LRBA: variants seen among roughly 807,000 people sequenced by gnomAD.
LRBA encodes the protein lipopolysaccharide-responsive and beige-like anchor protein.
In LRBA, 176 loss-of-function variants were observed where a neutral mutation model predicts 330.0. The observed-to-expected ratio is 0.53, with a 90% confidence interval of 0.47 to 0.60. The LOEUF (loss-of-function observed/expected upper bound fraction) is 0.60, where lower values mean the gene tolerates loss of function less well. Ranked by LOEUF, LRBA falls within the 20% of genes least tolerant of loss-of-function variation. The probability of loss-of-function intolerance (pLI) is 0.00; values close to 1 mark genes in which losing one functional copy is unlikely to be tolerated. For synonymous variants in LRBA, 1,230 were observed against 1,193.0 expected (o/e 1.03, Z -0.64); for missense variants, 3,259 against 3,444.8 (o/e 0.95, Z 1.35).
intron 53 of LRBA, among the ~76,000 whole-genome samples, chr4:150,295,943 G>A (rs1728926082): frequency 6.6e-6 from 1 of 152,110 alleles, no homozygotes; most frequent in Non-Finnish European, 1.5e-5. Flanking sequence ...GTAAGCTATG[G>A]CTCCTGTAGC....
At chr4:150,922,594 C>T (rs1733423592) in intron 4 of LRBA, among the ~76,000 whole-genome samples, 1 of 151,800 alleles carries the variant, frequency 6.6e-6, no homozygotes, top group Non-Finnish European at 1.5e-5. Flanking sequence ...AAGAAAGATA[C>T]AATGGACTTT....
At chr4:150,582,974 T>C in intron 40 of LRBA, 1 of 1,525,596 alleles carries the variant, frequency 6.6e-7, no homozygotes, top group Non-Finnish European at 8.8e-7. Context: ...GCGTGAGCCT[T>C]GGATCCCTCA....
chr4:150,302,104 T>A (rs1221878101), intron 53 of LRBA, among the ~76,000 whole-genome samples: 1 of 152,178 alleles, frequency 6.6e-6, no homozygotes, highest in Non-Finnish European at 1.5e-5. Flanking sequence ...TTCATAAAGA[T>A]GTTTAAGGCT....
chr4:151,011,234 T>TG (rs961496612), intron 2 of LRBA, among the ~76,000 whole-genome samples: 24 of 151,542 alleles, frequency 1.6e-4, no homozygotes, highest in African/African-American at 5.8e-4. Flanking sequence ...GGCTCTACCA[T>TG]GTACTATTTG....
intron 36 of LRBA, among the ~76,000 whole-genome samples, chr4:150,704,580 A>G (rs1417889912): frequency 6.6e-6 from 1 of 152,118 alleles, no homozygotes; most frequent in Non-Finnish European, 1.5e-5. Context: ...TAATAGTGCC[A>G]ATAACAATAG....
At chr4:150,497,487 A>G (rs1181438514) in intron 40 of LRBA, among the ~76,000 whole-genome samples, 1 of 152,182 alleles carries the variant, frequency 6.6e-6, no homozygotes, top group Non-Finnish European at 1.5e-5. Context: ...TCATACATAA[A>G]AAATAAAATT....
chr4:150,861,272 T>TGTGG (rs1323820821), intron 22 of LRBA, among the ~76,000 whole-genome samples: 80 of 108,304 alleles, frequency 7.4e-4, no homozygotes, highest in African/African-American at 3.5e-3. Flanking sequence ...CAGCTAATGG[T>TGTGG]GTGTGTGTGT....
At chr4:150,764,521 A>G (rs1560785247) in intron 34 of LRBA, among the ~76,000 whole-genome samples, 1 of 152,182 alleles carries the variant, frequency 6.6e-6, no homozygotes, top group East Asian at 1.9e-4. Flanking sequence ...ACACTGGGAT[A>G]AAATCATTTG....
chr4:150,265,857 C>G, intron 56 of LRBA, 45 bp from the exon 57 acceptor site: 1 of 1,221,734 alleles, frequency 8.2e-7, no homozygotes, highest in Non-Finnish European at 1.2e-6. Flanking sequence ...CCTGTGTGTC[C>G]TAGAGATGTT....
At chr4:150,639,872 T>TG (rs1778498904) in intron 37 of LRBA, among the ~76,000 whole-genome samples, 1 of 97,636 alleles carries the variant, frequency 1.0e-5, no homozygotes, top group African/African-American at 3.9e-5. Flanking sequence ...TATATATATA[T>TG]TTAGATGGAG....
At chr4:150,900,317 AAAGT>A (rs768052674) in intron 13 of LRBA, 100 bp from the exon 14 acceptor site, 20 of 766,260 alleles carry the variant, frequency 2.6e-5, no homozygotes, top group Non-Finnish European at 4.2e-5. Context: ...CTTCTTCCAA[AAAGT>A]AAGATGCTGA....
intron 2 of LRBA, among the ~76,000 whole-genome samples, chr4:150,991,517 A>C (rs1232080521): frequency 6.6e-6 from 1 of 152,252 alleles, no homozygotes. Flanking sequence ...AACGACATAG[A>C]GGAATCTCAA....
chr4:150,987,594 T>A (rs367551391), intron 2 of LRBA, among the ~76,000 whole-genome samples: 72 of 152,044 alleles, frequency 4.7e-4, no homozygotes, highest in African/African-American at 1.7e-3. Flanking sequence ...TAATCCCAGC[T>A]ACTCTGCAGG....
chr4:150,452,926 A>G (rs1753570358), intron 44 of LRBA, among the ~76,000 whole-genome samples: 1 of 152,238 alleles, frequency 6.6e-6, no homozygotes, highest in Non-Finnish European at 1.5e-5. Context: ...CTGGCAACAA[A>G]CAACTGGAAT....
At chr4:150,968,225 A>G (rs573617626) in intron 2 of LRBA, among the ~76,000 whole-genome samples, 10 of 152,170 alleles carry the variant, frequency 6.6e-5, no homozygotes, top group African/African-American at 2.2e-4. Flanking sequence ...GCTAGTCTCG[A>G]ACTCCTGACC....
chr4:150,746,928 A>T (rs1732815480), intron 35 of LRBA, among the ~76,000 whole-genome samples: 1 of 152,138 alleles, frequency 6.6e-6, no homozygotes, highest in African/African-American at 2.4e-5. Context: ...CATGAGTCTT[A>T]CTATTCTTGC....
At chr4:150,649,885 G>A (rs117521061) in intron 37 of LRBA, among the ~76,000 whole-genome samples, 1 of 151,984 alleles carries the variant, frequency 6.6e-6, no homozygotes, top group East Asian at 1.9e-4. Flanking sequence ...CAAATATGCG[G>A]GTGTGTTTCA....
chr4:150,588,288 C>T, intron 39 of LRBA, 104 bp from the exon 40 acceptor site: 5 of 1,098,956 alleles, frequency 4.5e-6, no homozygotes, highest in Non-Finnish European at 6.3e-6. Flanking sequence ...ACGTCTAGTA[C>T]TGAACTGCCT....
chr4:150,868,755 T>C (rs1753057121), intron 20 of LRBA, among the ~76,000 whole-genome samples: 1 of 151,948 alleles, frequency 6.6e-6, no homozygotes, highest in Admixed American at 6.6e-5. Flanking sequence ...CTGGCCAACA[T>C]GGCAAAACCC....
Sources: allele counts gnomAD v4.1 joint callset (sites outside exome capture counted in the v4.1 genomes callset), GRCh38; gene constraint gnomAD v4.1.1; transcripts MANE v1.5; gene names NCBI Gene and HGNC (gene_info 2026-07-23, HGNC 2026-07-21).